Variants in CCSER1 observed in about 807,000 individuals in gnomAD.
The protein encoded by CCSER1 is coiled-coil serine rich protein 1, also known as serine-rich coiled-coil domain-containing protein 1.
CCSER1 carries 41 observed loss-of-function variants against 82.0 expected under a neutral mutation model. The observed-to-expected ratio is 0.50, with a 90% CI of 0.39 to 0.65. The LOEUF (loss-of-function observed/expected upper bound fraction) is 0.65, where lower values mean the gene tolerates loss of function less well. Among genes scored for constraint, CCSER1 ranks in the 30% least tolerant of loss-of-function variants. The pLI is 0.00. For missense variants in CCSER1, 1,119 were observed against 1,064.2 expected (o/e 1.05, Z -0.72); for synonymous variants, 414 against 383.9 (o/e 1.08, Z -0.92).
chr4:90,262,050 T>G (rs1230559649), intron 1 of CCSER1, among the ~76,000 whole-genome samples: 1 of 152,124 alleles, frequency 6.6e-6, no homozygotes, highest in Non-Finnish European at 1.5e-5. Flanking sequence ...CTCTGGTATT[T>G]CCTTGAGTAG....
At chr4:91,192,138 A>G (rs554466029) in intron 10 of CCSER1, among the ~76,000 whole-genome samples, 88 of 152,252 alleles carry the variant, frequency 5.8e-4, no homozygotes, top group African/African-American at 2.1e-3. Flanking sequence ...GTGAGACATT[A>G]TCTTTCTCTC....
chr4:90,979,916 A>G (rs540727419), intron 9 of CCSER1, among the ~76,000 whole-genome samples: 1 of 151,920 alleles, frequency 6.6e-6, no homozygotes, highest in Non-Finnish European at 1.5e-5. Context: ...GGTGCTGAGG[A>G]TATAATTTTA....
rs1197911978 is a variant in CCSER1, at chr4:90,837,014, A to G, written c.2094+21169A>G. Among the ~76,000 whole-genome samples, 6 of 152,352 alleles carry G rather than the reference A, an allele frequency of 3.9e-5. No homozygotes were observed. In the East Asian group the frequency reaches 9.7e-4, roughly 25 times the overall value. ...AAAATAAAATTTAATCAACCAAATC[A>G]TAGGCCACACTGAATCATCTTTCTA... is the stretch of plus-strand genomic sequence containing the variant. On this transcript the variant is annotated intron_variant, in intron 8 of 10. Transcript: ENST00000509176.
chr4:90,933,838 A>C (rs1424927381), intron 9 of CCSER1, among the ~76,000 whole-genome samples: 1 of 151,946 alleles, frequency 6.6e-6, no homozygotes, highest in Non-Finnish European at 1.5e-5. Context: ...TGTAATGTTA[A>C]TGAATGCATT....
chr4:91,297,791 T>C (rs757517328), intron 10 of CCSER1, among the ~76,000 whole-genome samples: 1 of 151,830 alleles, frequency 6.6e-6, no homozygotes, highest in Non-Finnish European at 1.5e-5. Context: ...GAAAATACCA[T>C]GTATAAAGGA....
intron 9 of CCSER1, among the ~76,000 whole-genome samples, chr4:91,001,651 G>A (rs77826322): frequency 0.015 from 2,235 of 152,144 alleles, 30 homozygotes; most frequent in African/African-American, 0.035. Flanking sequence ...GAGTCCCTAC[G>A]TGTTAGGTGA....
chr4:91,150,132 G>C (rs913789799), intron 10 of CCSER1, among the ~76,000 whole-genome samples: 1 of 152,118 alleles, frequency 6.6e-6, no homozygotes, highest in African/African-American at 2.4e-5. Flanking sequence ...TCCTCCATTT[G>C]TTTGTATCCT....
chr4:91,536,733 G>T (rs544117336), intron 10 of CCSER1, among the ~76,000 whole-genome samples: 1 of 152,040 alleles, frequency 6.6e-6, no homozygotes, highest in African/African-American at 2.4e-5. Flanking sequence ...TAACCCTCTC[G>T]CTCACTTCTC....
intron 7 of CCSER1, among the ~76,000 whole-genome samples, chr4:90,782,685 C>CTT (rs61457393): frequency 1.8e-4 from 24 of 133,978 alleles, no homozygotes; most frequent in African/African-American, 5.4e-4. Flanking sequence ...TTCTTTCTTT[C>CTT]TTTTTTTTTT....
chr4:90,550,461 C>T (rs1777321059), intron 5 of CCSER1, among the ~76,000 whole-genome samples: 1 of 152,064 alleles, frequency 6.6e-6, no homozygotes, highest in Admixed American at 6.6e-5. Context: ...TTCAAGACAA[C>T]TTTTTGGCAG....
chr4:90,523,866 T>A (rs1773428730), intron 5 of CCSER1, among the ~76,000 whole-genome samples: 1 of 152,160 alleles, frequency 6.6e-6, no homozygotes, highest in Admixed American at 6.6e-5. Context: ...TATAGGCATA[T>A]AACCATGAAA....
chr4:90,487,365 C>A (rs887245141), intron 5 of CCSER1, among the ~76,000 whole-genome samples: 3 of 152,040 alleles, frequency 2.0e-5, no homozygotes, highest in Non-Finnish European at 2.9e-5. Flanking sequence ...CATTAAGCAA[C>A]AGAATATATA....
chr4:90,933,036 G>GAAAGAAAC lies in CCSER1; in HGVS notation c.2172+9596_2172+9597insCAAAGAAA, dbSNP rs1730364900. Among the ~76,000 whole-genome samples, 9 of 96,252 alleles carry GAAAGAAAC rather than the reference G, an allele frequency of 9.4e-5. 3 individuals are homozygous for GAAAGAAAC. Among genetic ancestry groups the GAAAGAAAC allele is most frequent in the African/African-American group, 4.7e-4 (9 of 19,006 alleles). The allele number at this position is 96,252 out of a possible 152,430, so 63.1% of individuals were successfully genotyped here. On this transcript the variant is annotated intron_variant, in intron 9 of 10. Coordinates refer to ENST00000509176, the MANE Select transcript of CCSER1 (RefSeq NM_001145065.2). ...AGAAAGAAAGAAAGAAAGAAAGAAA[G>GAAAGAAAC]AAAGAAAGAGAAGGAAGGAACGAAG... is the stretch of plus-strand genomic sequence containing the variant.
chr4:91,461,374 A>C (rs1211374974), intron 10 of CCSER1, among the ~76,000 whole-genome samples: 1 of 152,188 alleles, frequency 6.6e-6, no homozygotes, highest in Non-Finnish European at 1.5e-5. Flanking sequence ...TTGAGACACA[A>C]AGAAGTTAGT....
At chr4:90,177,986 T>C (rs1412506279) in intron 1 of CCSER1, among the ~76,000 whole-genome samples, 1 of 152,092 alleles carries the variant, frequency 6.6e-6, no homozygotes, top group Admixed American at 6.6e-5. Context: ...GATTTTCAGA[T>C]GCTCAACCAG....
chr4:90,811,967 CACATAT>C (rs1758377049), intron 7 of CCSER1, among the ~76,000 whole-genome samples: 1 of 77,544 alleles, frequency 1.3e-5, no homozygotes, highest in East Asian at 4.0e-4. Flanking sequence ...CATATATATA[CACATAT>C]ATATATATAT....
Position 90,142,125 on chromosome 4 carries a change from A to T in CCSER1, c.-42+14294A>T, listed in dbSNP as rs529431995. 2.6e-5 allele frequency among the ~76,000 whole-genome samples: 4 copies of T among 152,294 alleles called. No homozygotes were observed. The East Asian group carries it at 7.7e-4, about 29-fold the overall frequency. ...TGTGTTTCTGTGTTTTTATTCAATG[A>T]ATATGGATTTGTCTGCCTGGCTTTG... On this transcript the variant is annotated intron_variant, in intron 1 of 10. Coordinates refer to ENST00000509176, the MANE Select transcript of CCSER1 (RefSeq NM_001145065.2).
chr4:91,147,798 G>A (rs1055365244), intron 10 of CCSER1, among the ~76,000 whole-genome samples: 5 of 152,176 alleles, frequency 3.3e-5, no homozygotes, highest in East Asian at 1.9e-4. Context: ...TGATAAAAAT[G>A]TACTGTCTGT....
intron 10 of CCSER1, among the ~76,000 whole-genome samples, chr4:91,435,080 G>A (rs1754568695): frequency 6.6e-6 from 1 of 152,156 alleles, no homozygotes; most frequent in South Asian, 2.1e-4. Flanking sequence ...GGTGGCAGCA[G>A]CTGCACATTT....
Sources: allele counts gnomAD v4.1 joint callset (sites outside exome capture counted in the v4.1 genomes callset), GRCh38; gene constraint gnomAD v4.1.1; transcripts MANE v1.5; gene names NCBI Gene and HGNC (gene_info 2026-07-23, HGNC 2026-07-21).